INPP4B: variants seen among roughly 807,000 people sequenced by gnomAD.
INPP4B encodes inositol polyphosphate-4-phosphatase type II B, also known as inositol polyphosphate 4-phosphatase type II.
Under a neutral mutation model 122.5 loss-of-function variants are expected in INPP4B, and 55 were observed. The ratio of observed to expected loss-of-function variants is 0.45; its 90% CI spans 0.36 to 0.56. The LOEUF is 0.56. INPP4B is among the 20% of genes least tolerant of loss of function. The pLI is 0.00. For synonymous variants in INPP4B, 403 were observed against 388.7 expected (o/e 1.04, Z -0.43); for missense variants, 1,000 against 1,097.7 (o/e 0.91, Z 1.26).
At chr4:142,522,567 T>C (rs1041189231) in intron 2 of INPP4B, among the ~76,000 whole-genome samples, 3 of 151,966 alleles carry the variant, frequency 2.0e-5, no homozygotes, top group Non-Finnish European at 4.4e-5. Context: ...CAATGCTATA[T>C]CATCATATGC....
At chr4:142,408,092 T>A (rs1803819818) in intron 5 of INPP4B, among the ~76,000 whole-genome samples, 1 of 152,202 alleles carries the variant, frequency 6.6e-6, no homozygotes, top group African/African-American at 2.4e-5. Flanking sequence ...GTGAAACCTA[T>A]TCACATCATG....
intron 7 of INPP4B, among the ~76,000 whole-genome samples, chr4:142,356,749 C>T (rs1232239409): frequency 1.3e-5 from 2 of 151,608 alleles, no homozygotes; most frequent in Admixed American, 1.3e-4. Flanking sequence ...TTTGGGTGAT[C>T]AGAGGGTCTT....
chr4:142,783,743 T>C (rs988027982), intron 1 of INPP4B, among the ~76,000 whole-genome samples: 1 of 152,126 alleles, frequency 6.6e-6, no homozygotes, highest in Non-Finnish European at 1.5e-5. Flanking sequence ...TGACACTTCA[T>C]GTAGCGTATT....
At chr4:142,559,321 GC>G (rs1729938192) in intron 2 of INPP4B, among the ~76,000 whole-genome samples, 1 of 152,052 alleles carries the variant, frequency 6.6e-6, no homozygotes, top group South Asian at 2.1e-4. Context: ...TCACTGTTAT[GC>G]TTTTGTTTAT....
chr4:142,779,818 G>T (rs939988009), intron 1 of INPP4B, among the ~76,000 whole-genome samples: 1 of 152,028 alleles, frequency 6.6e-6, no homozygotes, highest in Non-Finnish European at 1.5e-5. Context: ...ACCAAGAAAA[G>T]CTATGAGGTT....
chr4:142,207,387 T>C (rs1414729434), intron 14 of INPP4B, among the ~76,000 whole-genome samples: 3 of 152,176 alleles, frequency 2.0e-5, no homozygotes, highest in African/African-American at 7.2e-5. Context: ...ATAGTGGCTA[T>C]ACCAGTTTAC....
At chr4:142,263,637 AAAATATATATATATATATATAT>A (rs1741219007) in intron 10 of INPP4B, among the ~76,000 whole-genome samples, 2 of 42,216 alleles carry the variant, frequency 4.7e-5, no homozygotes, top group Non-Finnish European at 1.1e-4. Flanking sequence ...ATAAATTCGT[AAAATATATATATATATATATAT>A]ATATATATAT....
intron 2 of INPP4B, among the ~76,000 whole-genome samples, chr4:142,720,801 CTCTCTCTCTA>C (rs1290445960): frequency 8.9e-5 from 2 of 22,380 alleles, no homozygotes; most frequent in African/African-American, 3.0e-4. Flanking sequence ...CTCTCTCTCT[CTCTCTCTCTA>C]TATATATATA....
At position 142,402,971 on chromosome 4, in the gene INPP4B, T is replaced by C. The variant is rs768825429; in HGVS notation, c.339A>G (p.Thr113=). 15 of 1,590,780 alleles carry C rather than the reference T, an allele frequency of 9.4e-6. No homozygotes were observed. The highest frequency in any genetic ancestry group is 1.7e-5 in the Admixed American group (1 of 59,968). Residue 113 remains threonine, a synonymous_variant, in exon 7 of 26, where the codon ACA becomes ACG. Coordinates refer to ENST00000262992, the MANE Select transcript of INPP4B (RefSeq NM_001101669.3). ...PIYEETKIKL[T]VYDVKDKSHD... ...GAGACTTATCCTTGACATCATAGAC[T>C]GTTAGTTTTATTTTGGTCTCCTCAT...
At chr4:142,514,169 C>A (rs1825112623) in intron 2 of INPP4B, 1 of 152,154 alleles carries the variant, frequency 6.6e-6, no homozygotes, top group South Asian at 2.1e-4. Context: ...CCTGAAAATT[C>A]CTAATTGCCT....
At chr4:142,358,994 T>C (rs1784532550) in intron 7 of INPP4B, among the ~76,000 whole-genome samples, 1 of 151,998 alleles carries the variant, frequency 6.6e-6, no homozygotes, top group South Asian at 2.1e-4. Flanking sequence ...AGGGCTATTC[T>C]GACCTAGGTA....
intron 15 of INPP4B, among the ~76,000 whole-genome samples, chr4:142,188,668 G>C (rs1210926527): frequency 6.6e-6 from 1 of 150,596 alleles, no homozygotes; most frequent in East Asian, 1.9e-4. Flanking sequence ...AATCCAAGTA[G>C]GGAAAAAAAG....
At chr4:142,426,150 C>T (rs1201057987) in intron 5 of INPP4B, among the ~76,000 whole-genome samples, 1 of 151,888 alleles carries the variant, frequency 6.6e-6, no homozygotes, top group Non-Finnish European at 1.5e-5. Flanking sequence ...AAGACATATT[C>T]TCATAAGCAT....
At chr4:142,062,222 AGT>A (rs1761303480) in intron 25 of INPP4B, among the ~76,000 whole-genome samples, 1 of 152,010 alleles carries the variant, frequency 6.6e-6, no homozygotes, top group Admixed American at 6.6e-5. Context: ...TATGGCATCC[AGT>A]GTGTCTGCTC....
intron 2 of INPP4B, among the ~76,000 whole-genome samples, chr4:142,520,720 T>C (rs1248505592): frequency 6.6e-6 from 1 of 151,964 alleles, no homozygotes; most frequent in Non-Finnish European, 1.5e-5. Flanking sequence ...ATGATATAAT[T>C]CTGAGAAATC....
intron 18 of INPP4B, among the ~76,000 whole-genome samples, chr4:142,140,095 T>C (rs560407258): frequency 2.2e-4 from 33 of 152,218 alleles, no homozygotes; most frequent in African/African-American, 7.7e-4. Flanking sequence ...AAGGAAACTT[T>C]CAAGCAAAAA....
chr4:142,243,572 G>A (rs991435837), intron 11 of INPP4B, among the ~76,000 whole-genome samples: 5 of 152,046 alleles, frequency 3.3e-5, no homozygotes, highest in African/African-American at 1.2e-4. Flanking sequence ...CAAACACTGA[G>A]GCAACATCCA....
intron 2 of INPP4B, among the ~76,000 whole-genome samples, chr4:142,551,014 AAC>A (rs1011351328): frequency 4.6e-5 from 7 of 152,200 alleles, no homozygotes; most frequent in African/African-American, 1.7e-4. Context: ...AGGAAGCGAT[AAC>A]ACAAACTAGT....
intron 2 of INPP4B, among the ~76,000 whole-genome samples, chr4:142,514,765 T>C (rs1362836551): frequency 6.6e-6 from 1 of 150,430 alleles, no homozygotes; most frequent in African/African-American, 2.4e-5. Context: ...AGGTATACAC[T>C]GCCATCCCCT....
Sources: allele counts gnomAD v4.1 joint callset (sites outside exome capture counted in the v4.1 genomes callset), GRCh38; gene constraint gnomAD v4.1.1; transcripts MANE v1.5; gene names NCBI Gene and HGNC (gene_info 2026-07-23, HGNC 2026-07-21).